Variants in FUT8 observed in about 807,000 individuals in gnomAD.
FUT8 encodes fucosyltransferase 8.
In FUT8, 29 loss-of-function variants were observed where a neutral mutation model predicts 71.3. The ratio of observed to expected loss-of-function variants is 0.41; its 90% confidence interval spans 0.30 to 0.55. The LOEUF (loss-of-function observed/expected upper bound fraction) is 0.55. Ranked by LOEUF, FUT8 falls within the 20% of genes least tolerant of loss-of-function variation. The pLI is 0.34. For synonymous variants in FUT8, 254 were observed against 239.3 expected (o/e 1.06, Z -0.57); for missense variants, 544 against 702.1 (o/e 0.77, Z 2.55).
chr14:65,415,837 A>G (rs899980585), intron 1 of FUT8, among the ~76,000 whole-genome samples: 1 of 152,194 alleles, frequency 6.6e-6, no homozygotes, highest in African/African-American at 2.4e-5. Context: ...GTGCCTTTGA[A>G]TACGAAGCAG....
chr14:65,569,753 A>G (rs888073195), intron 3 of FUT8, among the ~76,000 whole-genome samples: 3 of 151,812 alleles, frequency 2.0e-5, no homozygotes, highest in East Asian at 1.9e-4. Flanking sequence ...TTGCATGTCT[A>G]GTGATTTTAA....
intron 6 of FUT8, among the ~76,000 whole-genome samples, chr14:65,649,654 C>T (rs1279085881): frequency 1.3e-5 from 2 of 152,176 alleles, no homozygotes; most frequent in African/African-American, 2.4e-5. Flanking sequence ...AGCCTACACA[C>T]TACAGAGGCT....
At position 65,721,882 on chromosome 14, in the gene FUT8, C is replaced by T. The variant is rs1334593208; in HGVS notation, c.943C>T (p.Arg315Ter). The T allele has an allele frequency of 1.9e-6, 3 of 1,614,180 alleles. No homozygotes were observed. Residue 315 changes from arginine to a stop codon, truncating the protein, a stop_gained, in exon 8 of 11, where the codon CGA (arginine) becomes TGA (stop). Coordinates refer to ENST00000673929, the MANE Select transcript of FUT8 (RefSeq NM_001371533.1). LOFTEE classifies it high-confidence loss of function. ...PLAVPEDLAD[R>*]LVRVHGDPAV... is the part of the protein sequence containing the mutation. ...GGCTGTACCAGAAGACCTCGCAGAT[C>T]GACTTGTACGAGTGCATGGTGACCC...
chr14:65,669,154 C>A lies in FUT8; in HGVS notation c.598-89C>A. 1.1e-6 allele frequency: 1 copy of A among 921,594 alleles called. No homozygotes were observed. The highest frequency in any genetic ancestry group is 1.7e-5 in the African/African-American group (1 of 59,798). 57.1% of individuals were successfully genotyped at this position (921,594 alleles called of 1,614,324 possible). A position where few individuals can be genotyped will look rare whatever the true frequency, so the allele number is the denominator to read the frequency against. On this transcript the variant is annotated intron_variant, in intron 6 of 10. Transcript: ENST00000673929. The surrounding 1 kb of genome is among the most constrained non-coding windows in gnomAD (Gnocchi z 4.5). ...CTATAGAACAAACCTGCATGTGTAC[C>A]CCTGAAGATGAAAGATTAAAAAAAA... is the stretch of plus-strand genomic sequence containing the variant.
intron 8 of FUT8, among the ~76,000 whole-genome samples, chr14:65,722,359 C>T (rs1481672212): frequency 2.0e-5 from 3 of 152,124 alleles, no homozygotes; most frequent in African/African-American, 4.8e-5. Flanking sequence ...TGTAGTGGCT[C>T]ACTGCAGCCT....
chr14:65,723,821 C>T (rs1895548584), intron 8 of FUT8, among the ~76,000 whole-genome samples: 1 of 152,212 alleles, frequency 6.6e-6, no homozygotes, highest in Admixed American at 6.5e-5. Flanking sequence ...TTTTTCCAGA[C>T]AGCTGGTTGC....
chr14:65,642,036 T>C (rs1198990275), intron 6 of FUT8, among the ~76,000 whole-genome samples: 1 of 152,182 alleles, frequency 6.6e-6, no homozygotes, highest in Non-Finnish European at 1.5e-5. Context: ...TTTTTAATTT[T>C]GACAAAGTTC....
chr14:65,638,469 G>A lies in FUT8; in HGVS notation c.597+8863G>A, dbSNP rs1890676736. ...TTGAGAGAAAGAGAGGAAAAAAGGTGTGAAAATGGAAAACAACTATTTCAC... is the reference window on the plus strand; with the variant it reads ...TTGAGAGAAAGAGAGGAAAAAAGGTATGAAAATGGAAAACAACTATTTCAC... On this transcript the variant is annotated intron_variant, in intron 6 of 10. Coordinates refer to ENST00000673929, the MANE Select transcript of FUT8 (RefSeq NM_001371533.1). This position sits in a 1 kb window ranked among gnomAD's most constrained non-coding sequence, Gnocchi z 4.5. 6.6e-6 allele frequency among the ~76,000 whole-genome samples: 1 copy of A among 151,976 alleles called. No homozygotes were observed. The highest frequency in any genetic ancestry group is 2.4e-5 in the African/African-American group (1 of 41,402).
At chr14:65,545,897 A>G (rs1412306118) in intron 2 of FUT8, among the ~76,000 whole-genome samples, 1 of 151,826 alleles carries the variant, frequency 6.6e-6, no homozygotes, top group Non-Finnish European at 1.5e-5. Context: ...CATCTATATA[A>G]TAAATGCTGT....
intron 6 of FUT8, among the ~76,000 whole-genome samples, chr14:65,642,918 A>G (rs1265189083): frequency 1.3e-5 from 2 of 152,174 alleles, no homozygotes; most frequent in Admixed American, 1.3e-4. Context: ...GTTTCTACAT[A>G]AAGTATCATG....
At chr14:65,608,727 G>A (rs1197895194) in intron 3 of FUT8, among the ~76,000 whole-genome samples, 1 of 151,928 alleles carries the variant, frequency 6.6e-6, no homozygotes, top group Admixed American at 6.6e-5. Context: ...AAACCCTAGT[G>A]ATTAGCTGTT....
intron 6 of FUT8, among the ~76,000 whole-genome samples, chr14:65,667,345 G>A (rs1892268456): frequency 6.6e-6 from 1 of 152,118 alleles, no homozygotes; most frequent in Admixed American, 6.6e-5. Flanking sequence ...CAAAATCAGT[G>A]TACAAAAATC....
intron 2 of FUT8, among the ~76,000 whole-genome samples, chr14:65,539,811 T>C (rs2139954593): frequency 6.6e-6 from 1 of 152,306 alleles, no homozygotes; most frequent in Middle Eastern, 3.4e-3. Flanking sequence ...AGCATATATG[T>C]CTGTGGAATA....
At chr14:65,703,610 C>T (rs1374597511) in intron 7 of FUT8, among the ~76,000 whole-genome samples, 1 of 152,180 alleles carries the variant, frequency 6.6e-6, no homozygotes, top group East Asian at 1.9e-4. Context: ...GCACATAAGA[C>T]CATACTCCAC....
At chr14:65,396,233 C>G in the FUT8 span, among the ~76,000 whole-genome samples, 1 of 152,214 alleles carries the variant, frequency 6.6e-6, no homozygotes, top group South Asian at 2.1e-4. This position sits in a 1 kb window ranked among gnomAD's most constrained non-coding sequence, Gnocchi z 5.5. Flanking sequence ...TACCCAGTTC[C>G]AAAGTCACTT....
At chr14:65,642,150 A>G (rs1409504882) in intron 6 of FUT8, among the ~76,000 whole-genome samples, 1 of 152,180 alleles carries the variant, frequency 6.6e-6, no homozygotes, top group African/African-American at 2.4e-5. Context: ...TAGGAATTGT[A>G]TAATTTTAGC....
At chr14:65,631,123 T>C (rs1317404736) in intron 6 of FUT8, among the ~76,000 whole-genome samples, 1 of 152,218 alleles carries the variant, frequency 6.6e-6, no homozygotes, top group Non-Finnish European at 1.5e-5. Context: ...TGAGAAACAC[T>C]TCACCTCCTG....
At chr14:65,475,036 A>G (rs1322432581) in intron 2 of FUT8, among the ~76,000 whole-genome samples, 2 of 152,152 alleles carry the variant, frequency 1.3e-5, no homozygotes, top group Non-Finnish European at 2.9e-5. Context: ...GAGAATATCT[A>G]CTAGTATGGA....
chr14:65,665,271 C>T (rs965399198), intron 6 of FUT8, among the ~76,000 whole-genome samples: 1 of 152,088 alleles, frequency 6.6e-6, no homozygotes, highest in Non-Finnish European at 1.5e-5. Flanking sequence ...TAGAGTTTTT[C>T]TTTTAAGATA....
Sources: gnomAD v4.1 joint callset for allele counts (sites outside exome capture counted in the v4.1 genomes callset) on GRCh38, gnomAD v4.1.1 for gene constraint, Gnocchi (gnomAD v3.1) non-coding constraint, MANE v1.5 for transcripts, NCBI Gene and HGNC (gene_info 2026-07-23, HGNC 2026-07-21) for gene names.